The following IMMP1L variants were observed in gnomAD, a reference collection of about 807,000 sequenced individuals.
IMMP1L encodes mitochondrial inner membrane protease subunit 1.
In IMMP1L, 24 loss-of-function variants were observed where a neutral mutation model predicts 21.8. The observed-to-expected ratio is 1.10, with a 90% CI of 0.80 to 1.55. The LOEUF is 1.55. Among genes scored for constraint, IMMP1L ranks in the 40% most tolerant of loss-of-function variants. The pLI, the probability that IMMP1L is intolerant of heterozygous loss-of-function variation, is 0.00. For synonymous variants in IMMP1L, 46 were observed against 62.8 expected, an observed-to-expected ratio of 0.73 and a Z score of 1.26; for missense variants, 195 against 200.7, an observed-to-expected ratio of 0.97 and a Z score of 0.17.
intron 1 of IMMP1L, among the ~76,000 whole-genome samples, chr11:31,478,776 T>C (rs890741041): frequency 6.6e-6 from 1 of 152,162 alleles, no homozygotes; most frequent in East Asian, 1.9e-4. Flanking sequence ...AAATAAAATA[T>C]GTATGCCTAC....
At chr11:31,505,248 A>G (rs1299509707) in intron 1 of IMMP1L, among the ~76,000 whole-genome samples, 1 of 152,108 alleles carries the variant, frequency 6.6e-6, no homozygotes, top group African/African-American at 2.4e-5. Flanking sequence ...CAGTCAATCA[A>G]GGAAGTTATG....
At chr11:31,501,211 G>A (rs1442702158) in intron 1 of IMMP1L, among the ~76,000 whole-genome samples, 1 of 152,100 alleles carries the variant, frequency 6.6e-6, no homozygotes, top group African/African-American at 2.4e-5. Flanking sequence ...TTTAATTACT[G>A]CTTTAACAAT....
chr11:31,493,412 C>A (rs1302074591), intron 1 of IMMP1L, among the ~76,000 whole-genome samples: 1 of 152,062 alleles, frequency 6.6e-6, no homozygotes, highest in Non-Finnish European at 1.5e-5. Flanking sequence ...ATGGGGGTAA[C>A]CCACCCCCGC....
At chr11:31,470,619 A>G (rs1444987257) in intron 1 of IMMP1L, among the ~76,000 whole-genome samples, 1 of 152,184 alleles carries the variant, frequency 6.6e-6, no homozygotes, top group African/African-American at 2.4e-5. Flanking sequence ...CAATTCCACT[A>G]CTGGGTGTAT....
intron 4 of IMMP1L, among the ~76,000 whole-genome samples, chr11:31,440,395 A>C (rs1382930262): frequency 1.3e-5 from 2 of 152,076 alleles, no homozygotes; most frequent in Non-Finnish European, 2.9e-5. Flanking sequence ...TTTAAAAAAA[A>C]CTTTTTTTTC....
At chr11:31,455,838 C>A (rs1953920236) in intron 4 of IMMP1L, among the ~76,000 whole-genome samples, 1 of 152,088 alleles carries the variant, frequency 6.6e-6, no homozygotes, top group South Asian at 2.1e-4. Flanking sequence ...CTTGGTGCTT[C>A]AATCCAGAGG....
intron 4 of IMMP1L, among the ~76,000 whole-genome samples, chr11:31,441,104 T>C (rs1953310938): frequency 6.6e-6 from 1 of 152,144 alleles, no homozygotes; most frequent in African/African-American, 2.4e-5. Context: ...TTAAAATATA[T>C]ATTTCAAAAT....
chr11:31,495,325 A>G (rs1012695608), intron 1 of IMMP1L, among the ~76,000 whole-genome samples: 1 of 152,270 alleles, frequency 6.6e-6, no homozygotes, highest in Admixed American at 6.5e-5. Flanking sequence ...TGAGCCCTCC[A>G]AACTGTTCCA....
intron 1 of IMMP1L, among the ~76,000 whole-genome samples, chr11:31,479,827 A>T (rs1954834635): frequency 6.6e-6 from 1 of 152,062 alleles, no homozygotes; most frequent in South Asian, 2.1e-4. Flanking sequence ...ACTAATAAAA[A>T]TACTGAAGCA....
At chr11:31,478,141 G>A (rs984747607) in intron 1 of IMMP1L, among the ~76,000 whole-genome samples, 6 of 152,178 alleles carry the variant, frequency 3.9e-5, no homozygotes, top group African/African-American at 1.4e-4. Context: ...AGATTACACA[G>A]CAAGTGAATG....
At chr11:31,444,125 CT>C (rs1168032671) in intron 4 of IMMP1L, among the ~76,000 whole-genome samples, 1 of 152,152 alleles carries the variant, frequency 6.6e-6, no homozygotes, top group African/African-American at 2.4e-5. Context: ...CCAAATACAG[CT>C]TTGCATACTA....
At chr11:31,477,967 T>A (rs1954777120) in intron 1 of IMMP1L, among the ~76,000 whole-genome samples, 1 of 152,210 alleles carries the variant, frequency 6.6e-6, no homozygotes, top group Non-Finnish European at 1.5e-5. Flanking sequence ...GGCAGCAGAT[T>A]CTGCTGTCTA....
chr11:31,432,624 T>C, intron 5 of IMMP1L, 56 bp from the exon 6 acceptor site: 2 of 1,131,478 alleles, frequency 1.8e-6, no homozygotes, highest in South Asian at 2.5e-5. Context: ...TATAGTATCA[T>C]CATATTCCCT....
intron 4 of IMMP1L, chr11:31,452,907 C>T (rs949412603): frequency 3.2e-5 from 19 of 596,372 alleles, no homozygotes; most frequent in Non-Finnish European, 3.9e-5. Flanking sequence ...CCTGCCACCA[C>T]GCCTGGCTAA....
In IMMP1L at chr11:31,444,305, T is replaced by C. The variant is rs150226588; in HGVS notation, c.322-10735A>G. On this transcript the variant is annotated intron_variant, in intron 4 of 5. Transcript: ENST00000532287. ...CACATTTGCCAGTGTGAATTATGTC[T>C]ATTGGGCTTTCTTTGTCCCTGGTTT... 6.1e-3 allele frequency among the ~76,000 whole-genome samples: 932 copies of C among 152,328 alleles called. 7 individuals are homozygous for C. Among genetic ancestry groups the C allele is most frequent in the Non-Finnish European group, 9.2e-3 (625 of 68,028 alleles).
intron 1 of IMMP1L, among the ~76,000 whole-genome samples, chr11:31,503,294 T>A (rs1955680574): frequency 6.6e-6 from 1 of 152,092 alleles, no homozygotes; most frequent in African/African-American, 2.4e-5. Flanking sequence ...ATACGGTATA[T>A]TAGAAAAGGC....
At chr11:31,447,517 G>A (rs1291257982) in intron 4 of IMMP1L, among the ~76,000 whole-genome samples, 2 of 152,176 alleles carry the variant, frequency 1.3e-5, no homozygotes, top group Admixed American at 1.3e-4. Flanking sequence ...AGAATCTTAA[G>A]TTGCATCGAA....
intron 1 of IMMP1L, among the ~76,000 whole-genome samples, chr11:31,505,985 G>A (rs779860059): frequency 6.6e-6 from 1 of 152,130 alleles, no homozygotes; most frequent in Non-Finnish European, 1.5e-5. Context: ...TTTGGGAGGG[G>A]TCAAAAGTTA....
intron 4 of IMMP1L, among the ~76,000 whole-genome samples, chr11:31,455,522 G>C (rs893229191): frequency 3.9e-5 from 6 of 152,088 alleles, no homozygotes; most frequent in Admixed American, 3.9e-4. Flanking sequence ...CAAGGTGGTT[G>C]TATACAATTT....
Sources: allele counts gnomAD v4.1 joint callset (sites outside exome capture counted in the v4.1 genomes callset), GRCh38; gene constraint gnomAD v4.1.1; transcripts MANE v1.5; gene names NCBI Gene and HGNC (gene_info 2026-07-23, HGNC 2026-07-21).